CYFIP2: variants seen among roughly 807,000 people sequenced by gnomAD.
CYFIP2 encodes the protein cytoplasmic FMR1 interacting protein 2, also known as cytoplasmic FMR1-interacting protein 2.
A neutral mutation model predicts 158.7 loss-of-function variants in CYFIP2; 29 were observed. That is an observed-to-expected ratio of 0.18 (90% CI 0.14 to 0.25). CYFIP2 has a LOEUF of 0.25. CYFIP2 is among the 10% of genes least tolerant of loss of function. CYFIP2 has a pLI of 1.00. For missense variants in CYFIP2, 852 were observed against 1,639.5 expected (o/e 0.52, Z 8.29); for synonymous variants, 585 against 617.6 (o/e 0.95, Z 0.78).
At chr5:157,385,612 C>A (rs1320378508) in intron 28 of CYFIP2, among the ~76,000 whole-genome samples, 2 of 152,110 alleles carry the variant, frequency 1.3e-5, no homozygotes, top group Non-Finnish European at 2.9e-5. Context: ...GACAGGGATC[C>A]TTGTCCCTTC....
Position 157,343,313 on chromosome 5 carries a change from C to G in CYFIP2, c.2673+2156C>G, listed in dbSNP as rs764840304. 16 of 1,614,184 alleles carry G rather than the reference C, an allele frequency of 9.9e-6. No individual in the cohort carries two copies. The South Asian group carries it at 1.8e-4, about 18-fold the overall frequency. The stretch of plus-strand genomic sequence containing the variant: ...GAAGGCAGCCTTCTTACAGCTGATG[C>G]ACAGGAAGTAGAGAGTGGAAGGGGC... On this transcript the variant is annotated intron_variant, in intron 23 of 30. Coordinates refer to ENST00000620254, the MANE Select transcript of CYFIP2 (RefSeq NM_001037333.3).
chr5:157,307,109 T>G (rs1759294324), intron 8 of CYFIP2, among the ~76,000 whole-genome samples: 1 of 152,116 alleles, frequency 6.6e-6, no homozygotes, highest in Non-Finnish European at 1.5e-5. Flanking sequence ...ATCAAGAATG[T>G]CAACCTACTC....
chr5:157,312,998 C>T (rs1305791780), intron 11 of CYFIP2, among the ~76,000 whole-genome samples: 4 of 152,166 alleles, frequency 2.6e-5, no homozygotes, highest in Non-Finnish European at 4.4e-5. Flanking sequence ...AGGCATCAGC[C>T]GCTGCACCCA....
intron 6 of CYFIP2, among the ~76,000 whole-genome samples, chr5:157,302,382 C>T (rs1418316212): frequency 1.3e-5 from 2 of 152,174 alleles, no homozygotes; most frequent in Non-Finnish European, 2.9e-5. Context: ...TAACAGAATA[C>T]ACAACAGGTG....
chr5:157,274,609 A>T (rs1756394016), intron 1 of CYFIP2, among the ~76,000 whole-genome samples: 1 of 152,214 alleles, frequency 6.6e-6, no homozygotes, highest in Non-Finnish European at 1.5e-5. Flanking sequence ...TTGCTGGGTC[A>T]AATGGTAACT....
intron 26 of CYFIP2, among the ~76,000 whole-genome samples, chr5:157,377,725 C>T (rs1361406038): frequency 2.0e-5 from 3 of 152,192 alleles, no homozygotes; most frequent in African/African-American, 7.2e-5. Context: ...TTTGGTACAA[C>T]CTTGTTGGGT....
In CYFIP2 at chr5:157,369,879, G is replaced by GTTTTGTTTTTT. The variant is rs534240919; in HGVS notation, c.3039+8285_3039+8286insGTTTTTTTTTT. ...AACAAAATCCTTGAGAATGGACCTA[G>GTTTTGTTTTTT]TTTTTTTTTTTTTTTTTTTAAAGAC... On this transcript the variant is annotated intron_variant, in intron 26 of 30. Transcript: ENST00000620254. Among the ~76,000 whole-genome samples, 412 of 103,202 alleles carry GTTTTGTTTTTT rather than the reference G, an allele frequency of 4.0e-3. 21 individuals are homozygous for GTTTTGTTTTTT. Among genetic ancestry groups the GTTTTGTTTTTT allele is most frequent in the African/African-American group, 0.012 (285 of 24,610 alleles). The allele number at this position is 103,202 out of a possible 152,430, so 67.7% of individuals were successfully genotyped here.
At chr5:157,378,643 G>A (rs981568487) in intron 26 of CYFIP2, among the ~76,000 whole-genome samples, 1 of 152,152 alleles carries the variant, frequency 6.6e-6, no homozygotes, top group African/African-American at 2.4e-5. Flanking sequence ...GCATCTGTGT[G>A]CGGACCTAGT....
chr5:157,336,989 T>G (rs562199223), intron 21 of CYFIP2, among the ~76,000 whole-genome samples: 1 of 152,344 alleles, frequency 6.6e-6, no homozygotes, highest in African/African-American at 2.4e-5. Context: ...CACGGATGTA[T>G]GTTGTGAGAC....
intron 28 of CYFIP2, among the ~76,000 whole-genome samples, chr5:157,386,406 G>A (rs1243618056): frequency 6.6e-6 from 1 of 151,918 alleles, no homozygotes; most frequent in East Asian, 1.9e-4. Context: ...TTTTTATAGA[G>A]ATGAGGTGTC....
At chr5:157,354,275 T>C (rs1322090006) in intron 23 of CYFIP2, among the ~76,000 whole-genome samples, 1 of 152,206 alleles carries the variant, frequency 6.6e-6, no homozygotes, top group Non-Finnish European at 1.5e-5. Flanking sequence ...AAGTGAGCCA[T>C]CCTAACCAGG....
Position 157,346,306 on chromosome 5 carries a change from C to G in CYFIP2, c.2673+5149C>G, listed in dbSNP as rs148609248. Among the ~76,000 whole-genome samples, 1,164 of 152,216 alleles carry G rather than the reference C, an allele frequency of 7.6e-3. 9 individuals carry two copies. Among genetic ancestry groups the G allele is most frequent in the Non-Finnish European group, 8.4e-3 (574 of 68,014 alleles). On this transcript the variant is annotated intron_variant, in intron 23 of 30. Transcript: ENST00000620254. ...TCTCACTGGGTTGAATAATGCCCCC[C>G]CAAAATACATATCCATCCAGAACCT...
chr5:157,391,296 A>T (rs1220291557), intron 30 of CYFIP2, among the ~76,000 whole-genome samples: 1 of 152,138 alleles, frequency 6.6e-6, no homozygotes, highest in African/African-American at 2.4e-5. Context: ...GGGCTTTTTT[A>T]AAAAATACAC....
chr5:157,271,065 G>A (rs183828213), intron 1 of CYFIP2, among the ~76,000 whole-genome samples: 7 of 152,302 alleles, frequency 4.6e-5, no homozygotes, highest in African/African-American at 1.4e-4. Flanking sequence ...AGAAATAAAG[G>A]TCATTAAGGG....
In CYFIP2 at chr5:157,315,077, A is replaced by C. The variant is rs1194250877; in HGVS notation, c.1339A>C (p.Lys447Gln). ...ATRYNYTSEEKFAFVEVIAMI... is the reference protein window; with the variant it reads ...ATRYNYTSEEQFAFVEVIAMI... ...ACGCTACAATTACACCAGTGAGGAAAAATTTGCCTTCGTTGAGGTAGGTGC... is the reference window on the plus strand; with the variant it reads ...ACGCTACAATTACACCAGTGAGGAACAATTTGCCTTCGTTGAGGTAGGTGC... Residue 447 changes from lysine (K) to glutamine (Q), a missense_variant, in exon 13 of 31, where the codon AAA becomes CAA. Physicochemically the swap from Lys to Gln is moderately conservative, Grantham distance 53. Coordinates refer to ENST00000620254, the MANE Select transcript of CYFIP2 (RefSeq NM_001037333.3). The C allele has an allele frequency of 6.2e-7, 1 of 1,613,654 alleles. No individual in the cohort carries two copies. The highest frequency in any genetic ancestry group is 8.5e-7 in the Non-Finnish European group (1 of 1,179,812).
chr5:157,392,704 A>G, intron 30 of CYFIP2, 129 bp from the exon 31 acceptor site: 1 of 1,053,322 alleles, frequency 9.5e-7, no homozygotes, highest in Non-Finnish European at 1.4e-6. Flanking sequence ...GGATTCCATA[A>G]AAGGACTTTA....
At chr5:157,268,076 C>T (rs978978903) in intron 1 of CYFIP2, among the ~76,000 whole-genome samples, 9 of 152,238 alleles carry the variant, frequency 5.9e-5, no homozygotes, top group African/African-American at 2.2e-4. Flanking sequence ...ATTGGCTGCC[C>T]TTTGCCAAGG....
intron 21 of CYFIP2, among the ~76,000 whole-genome samples, chr5:157,337,381 G>A (rs952032294): frequency 1.3e-5 from 2 of 152,098 alleles, no homozygotes; most frequent in African/African-American, 4.8e-5. Context: ...GGTCAGACGG[G>A]GTATCAGAAG....
chr5:157,339,776 G>A (rs1348630314), intron 22 of CYFIP2, among the ~76,000 whole-genome samples: 1 of 152,162 alleles, frequency 6.6e-6, no homozygotes, highest in Non-Finnish European at 1.5e-5. Context: ...TGCAAAGGAT[G>A]ACTAGGAATA....
Sources: gnomAD v4.1 joint callset for allele counts (sites outside exome capture counted in the v4.1 genomes callset) on GRCh38, gnomAD v4.1.1 for gene constraint, MANE v1.5 for transcripts, NCBI Gene and HGNC (gene_info 2026-07-23, HGNC 2026-07-21) for gene names.